Variants in PRKCQ observed in about 807,000 individuals in gnomAD.
The protein encoded by PRKCQ is protein kinase C theta.
PRKCQ carries 41 observed loss-of-function variants against 91.2 expected under a neutral mutation model. That is an observed-to-expected ratio of 0.45 (90% confidence interval 0.35 to 0.58). PRKCQ has a LOEUF of 0.58. PRKCQ is among the 20% of genes least tolerant of loss of function. PRKCQ has a pLI of 0.00. For synonymous variants in PRKCQ, 307 were observed against 316.9 expected (o/e 0.97, Z 0.33); for missense variants, 673 against 896.5 (o/e 0.75, Z 3.18).
At chr10:6,496,951 C>A in intron 7 of PRKCQ, 84 bp downstream of exon 7, 4 of 1,241,092 alleles carry the variant, frequency 3.2e-6, no homozygotes, top group Non-Finnish European at 4.7e-6. Flanking sequence ...CAAGTTCTGG[C>A]ATTATTCTGA....
At chr10:6,529,855 G>GT (rs1839328308) in intron 1 of PRKCQ, among the ~76,000 whole-genome samples, 1 of 152,158 alleles carries the variant, frequency 6.6e-6, no homozygotes, top group Non-Finnish European at 1.5e-5. Context: ...TGGAAAATGC[G>GT]TATGACAGTG....
downstream of PRKCQ, among the ~76,000 whole-genome samples, chr10:6,426,229 C>CCAT (rs1034927753): frequency 1.3e-5 from 2 of 151,882 alleles, no homozygotes; most frequent in South Asian, 2.1e-4. Context: ...TTCACCGACC[C>CCAT]CATCACTCTA....
chr10:6,472,856 G>A (rs1179791324), intron 12 of PRKCQ, among the ~76,000 whole-genome samples: 1 of 152,040 alleles, frequency 6.6e-6, no homozygotes, highest in Non-Finnish European at 1.5e-5. Context: ...GGGATTATAG[G>A]TGCCCACCAC....
At chr10:6,493,996 T>C (rs1221419432) in intron 7 of PRKCQ, among the ~76,000 whole-genome samples, 1 of 152,270 alleles carries the variant, frequency 6.6e-6, no homozygotes. Context: ...CTTTCAGCTC[T>C]GCTCCACAGT....
At chr10:6,406,932 A>G in the PRKCQ span, among the ~76,000 whole-genome samples, 31,891 of 152,198 alleles carry the variant, frequency 0.21, 3,701 homozygotes, top group Non-Finnish European at 0.26. Context: ...TGATTTAAGC[A>G]CAGCTAATAA....
At chr10:6,466,303 C>A (rs148578924) in intron 12 of PRKCQ, among the ~76,000 whole-genome samples, 147 of 152,338 alleles carry the variant, frequency 9.6e-4, no homozygotes, top group African/African-American at 3.4e-3. Flanking sequence ...TTCCACACAC[C>A]TTCCCACCTA....
intron 15 of PRKCQ, among the ~76,000 whole-genome samples, chr10:6,445,285 G>T (rs1312271142): frequency 6.6e-6 from 1 of 152,136 alleles, no homozygotes; most frequent in East Asian, 1.9e-4. Flanking sequence ...CTGGGAGACA[G>T]ATCAGTGCTA....
chr10:6,489,381 A>C (rs1358914618), intron 8 of PRKCQ: 2 of 523,988 alleles, frequency 3.8e-6, no homozygotes, highest in Non-Finnish European at 7.8e-6. Flanking sequence ...GAAGGTCCTA[A>C]GTCTTTGTTA....
At chr10:6,490,444 C>T (rs957962674) in intron 8 of PRKCQ, among the ~76,000 whole-genome samples, 1 of 151,704 alleles carries the variant, frequency 6.6e-6, no homozygotes, top group Admixed American at 6.6e-5. Context: ...GGTCTGTGCT[C>T]ACCAGGCATG....
chr10:6,485,275 T>C lies in PRKCQ; in HGVS notation c.901-6A>G, dbSNP rs771210324. ...GTATCTCTTAAGCAGCGAGCCTGGA[T>C]GACAAACAGAGAGTCAGACCACCCA... is the stretch of plus-strand genomic sequence containing the variant. On this transcript the variant is annotated splice_region_variant and splice_polypyrimidine_tract_variant and intron_variant, in intron 9 of 17. Transcript: ENST00000263125. The C allele has an allele frequency of 3.1e-6, 5 of 1,612,528 alleles. No homozygotes were observed. Among genetic ancestry groups the C allele is most frequent in the Non-Finnish European group, 4.2e-6 (5 of 1,178,882 alleles).
chr10:6,469,444 C>T (rs1021783065), intron 12 of PRKCQ, among the ~76,000 whole-genome samples: 14 of 152,112 alleles, frequency 9.2e-5, no homozygotes, highest in African/African-American at 1.4e-4. Flanking sequence ...GGAACAGAGA[C>T]GACCTCTTGG....
At position 6,576,370 on chromosome 10, in the gene PRKCQ, AAAGG is replaced by A. The variant is rs1186349094; in HGVS notation, c.-10+3837_-10+3840del. ...TAAATGGAATAGTATTCAGACTTAAAAAGGAAGGAAGTCCTGTCCAATGCTGTCA... is the reference window on the plus strand; with the variant it reads ...TAAATGGAATAGTATTCAGACTTAAAAAGGAAGTCCTGTCCAATGCTGTCA... On this transcript the variant is annotated intron_variant, in intron 1 of 17. Coordinates refer to ENST00000263125, the MANE Select transcript of PRKCQ (RefSeq NM_006257.5). The surrounding 1 kb of genome is among the most constrained non-coding windows in gnomAD (Gnocchi z 4.2). Among the ~76,000 whole-genome samples the A allele has an allele frequency of 1.3e-5, 2 of 152,270 alleles. No homozygotes were observed. Among genetic ancestry groups the A allele is most frequent in the Admixed American group, 1.3e-4 (2 of 15,288 alleles).
intron 4 of PRKCQ, among the ~76,000 whole-genome samples, chr10:6,500,075 T>C (rs1368714162): frequency 6.6e-6 from 1 of 152,234 alleles, no homozygotes; most frequent in African/African-American, 2.4e-5. Context: ...GTAATTTTGG[T>C]CTTTTTACCT....
the PRKCQ span, among the ~76,000 whole-genome samples, chr10:6,406,506 A>C: frequency 6.6e-6 from 1 of 152,170 alleles, no homozygotes; most frequent in Non-Finnish European, 1.5e-5. Context: ...AGTAATTTTT[A>C]ATTACAATTT....
intron 1 of PRKCQ, among the ~76,000 whole-genome samples, chr10:6,517,586 A>G (rs77452246): frequency 1.2e-5 from 1 of 84,098 alleles, no homozygotes; most frequent in African/African-American, 5.0e-5. Context: ...TTAAGATAGC[A>G]TCTTTTTTTT....
rs1249629449 is a variant in PRKCQ, at chr10:6,427,343, G to C, written c.*864C>G. The C allele has an allele frequency of 1.3e-5, 2 of 152,178 alleles. No homozygotes were observed. Among genetic ancestry groups the C allele is most frequent in the African/African-American group, 4.8e-5 (2 of 41,428 alleles). 9.4% of individuals were successfully genotyped at this position (152,178 alleles called of 1,614,324 possible). On this transcript the variant is annotated 3_prime_UTR_variant, in exon 18 of 18. Transcript: ENST00000263125. Reference sequence around the variant, plus strand: ...GCCTACGGAGGGGCTTATGAGTCATGAAATCACCAGTCATGGCACGAGAAG... The same window carrying C: ...GCCTACGGAGGGGCTTATGAGTCATCAAATCACCAGTCATGGCACGAGAAG...
At chr10:6,463,452 T>C (rs1340335104) in intron 13 of PRKCQ, among the ~76,000 whole-genome samples, 3 of 152,178 alleles carry the variant, frequency 2.0e-5, no homozygotes, top group Non-Finnish European at 4.4e-5. Flanking sequence ...ATGATTTCTC[T>C]GCTGCAGAAA....
In PRKCQ at chr10:6,516,346, C is replaced by T. The variant is rs1838754409; in HGVS notation, c.-9-1202G>A. On this transcript the variant is annotated intron_variant, in intron 1 of 17. Coordinates refer to ENST00000263125, the MANE Select transcript of PRKCQ (RefSeq NM_006257.5). Reference sequence around the variant, plus strand: ...CAGATATTAATGAAGTCCTAATTTCCTGCAGAGTTTGGAAGTTTTATCTAA... The same window carrying T: ...CAGATATTAATGAAGTCCTAATTTCTTGCAGAGTTTGGAAGTTTTATCTAA... 2.6e-5 allele frequency among the ~76,000 whole-genome samples: 4 copies of T among 152,254 alleles called. No individual in the cohort carries two copies. The South Asian group carries it at 8.3e-4, about 32-fold the overall frequency.
At chr10:6,418,955 ATATCTATCTATCTATC>A in the PRKCQ span, among the ~76,000 whole-genome samples, 4,206 of 147,174 alleles carry the variant, frequency 0.029, 79 homozygotes, top group African/African-American at 0.035. Flanking sequence ...ATCTTATCTA[ATATCTATCTATCTATC>A]TATCTATCTA....
Sources: gnomAD v4.1 joint callset for allele counts (sites outside exome capture counted in the v4.1 genomes callset) on GRCh38, gnomAD v4.1.1 for gene constraint, Gnocchi (gnomAD v3.1) non-coding constraint, MANE v1.5 for transcripts, NCBI Gene and HGNC (gene_info 2026-07-23, HGNC 2026-07-21) for gene names.